Variants in ROBO1 observed in about 807,000 individuals in gnomAD.
ROBO1 encodes the protein roundabout guidance receptor 1.
A neutral mutation model predicts 195.9 loss-of-function variants in ROBO1; 149 were observed. That is an observed-to-expected ratio of 0.76 (90% CI 0.67 to 0.87). ROBO1 has a LOEUF of 0.87. Ranked by LOEUF, ROBO1 falls within the 40% of genes least tolerant of loss-of-function variation. The probability of loss-of-function intolerance (pLI) is 0.00; values close to 1 mark genes in which losing one functional copy is unlikely to be tolerated. For missense variants in ROBO1, 1,933 were observed against 2,068.3 expected, an observed-to-expected ratio of 0.93 and a Z score of 1.27; for synonymous variants, 816 against 733.2, an observed-to-expected ratio of 1.11 and a Z score of -1.82.
intron 2 of ROBO1, among the ~76,000 whole-genome samples, chr3:79,579,184 C>T (rs1394526596): frequency 6.6e-6 from 1 of 152,086 alleles, no homozygotes; most frequent in Admixed American, 6.5e-5. Flanking sequence ...CAGTTATGTG[C>T]ATTATTAGGA....
intron 17 of ROBO1, among the ~76,000 whole-genome samples, chr3:78,657,928 T>A (rs1707139001): frequency 6.6e-6 from 1 of 152,226 alleles, no homozygotes; most frequent in Admixed American, 6.5e-5. Flanking sequence ...CAACCTCTGG[T>A]ACACTGAACT....
At chr3:79,609,987 G>T (rs1944605884) in intron 1 of ROBO1, among the ~76,000 whole-genome samples, 1 of 151,314 alleles carries the variant, frequency 6.6e-6, no homozygotes, top group Non-Finnish European at 1.5e-5. Context: ...AGGTAAAGAT[G>T]GTTAAAATTG....
At chr3:79,498,979 T>C (rs959413080) in intron 2 of ROBO1, among the ~76,000 whole-genome samples, 1 of 152,234 alleles carries the variant, frequency 6.6e-6, no homozygotes, top group African/African-American at 2.4e-5. Context: ...AACCATTCTT[T>C]AATTTTTTAA....
At chr3:78,798,667 T>A (rs530478497) in intron 4 of ROBO1, among the ~76,000 whole-genome samples, 1 of 152,222 alleles carries the variant, frequency 6.6e-6, no homozygotes, top group Non-Finnish European at 1.5e-5. Context: ...TTTCATCATA[T>A]ATTTTTAGAT....
chr3:79,671,018 TA>T (rs1218960916), intron 1 of ROBO1, among the ~76,000 whole-genome samples: 1 of 151,790 alleles, frequency 6.6e-6, no homozygotes, highest in Non-Finnish European at 1.5e-5. Flanking sequence ...ATATCATGGG[TA>T]AATACATTGT....
intron 1 of ROBO1, among the ~76,000 whole-genome samples, chr3:79,689,654 G>A (rs969887834): frequency 1.3e-5 from 2 of 151,902 alleles, no homozygotes; most frequent in African/African-American, 4.8e-5. Flanking sequence ...TAGTTAAATA[G>A]TTATTCCTGG....
At position 79,055,762 on chromosome 3, in the gene ROBO1, G is replaced by T. The variant is rs1045606889; in HGVS notation, c.172+69694C>A. ...ACCCCTCCAAATTACTGTAAAAGAA[G>T]ACAGGGCTGGTTTAGGTTACCCTTT... On this transcript the variant is annotated intron_variant, in intron 3 of 30. Coordinates refer to ENST00000464233, the MANE Select transcript of ROBO1 (RefSeq NM_002941.4). Among the ~76,000 whole-genome samples, 14 of 152,116 alleles carry T rather than the reference G, an allele frequency of 9.2e-5. 1 individual carries two copies. In the East Asian group the frequency reaches 2.7e-3, roughly 29 times the overall value.
chr3:79,243,421 A>G (rs1364345289), intron 2 of ROBO1, among the ~76,000 whole-genome samples: 2 of 152,120 alleles, frequency 1.3e-5, no homozygotes, highest in Admixed American at 6.5e-5. Flanking sequence ...TGTCTTCCAC[A>G]ATGGTTGAAC....
chr3:78,704,110 T>G (rs1266205656), intron 8 of ROBO1, among the ~76,000 whole-genome samples: 1 of 152,108 alleles, frequency 6.6e-6, no homozygotes, highest in African/African-American at 2.4e-5. Context: ...CTAAGCTGAC[T>G]CTGCAAAAAG....
chr3:79,171,750 A>C (rs967329963), intron 2 of ROBO1, among the ~76,000 whole-genome samples: 9 of 152,142 alleles, frequency 5.9e-5, no homozygotes, highest in Non-Finnish European at 5.9e-5. Context: ...AAATACCTTC[A>C]TAGGGTGGTT....
Position 78,672,717 on chromosome 3 carries a change from C to G in ROBO1, c.1343-2416G>C, listed in dbSNP as rs183919978. Reference sequence around the variant, plus strand: ...GAATAAAATACTCGTAAAATGTTTACACTTACAGACACCAAAGAATGTACT... The same window carrying G: ...GAATAAAATACTCGTAAAATGTTTAGACTTACAGACACCAAAGAATGTACT... On this transcript the variant is annotated intron_variant, in intron 10 of 30. Transcript: ENST00000464233. Among the ~76,000 whole-genome samples the G allele has an allele frequency of 7.9e-5, 12 of 151,712 alleles. No homozygotes were observed. In the East Asian group the frequency reaches 2.3e-3, roughly 29 times the overall value.
chr3:79,225,264 G>T (rs930072350), intron 2 of ROBO1, among the ~76,000 whole-genome samples: 1 of 152,098 alleles, frequency 6.6e-6, no homozygotes, highest in Admixed American at 6.6e-5. Context: ...GCATAAGATA[G>T]GTAATCAAGC....
chr3:79,350,822 A>T (rs985358791), intron 2 of ROBO1, among the ~76,000 whole-genome samples: 1 of 152,046 alleles, frequency 6.6e-6, no homozygotes, highest in Non-Finnish European at 1.5e-5. Flanking sequence ...AATTACAAGA[A>T]TTCTTTTTTT....
In ROBO1 at chr3:78,891,290, G is replaced by A. The variant is rs329818; in HGVS notation, c.499+47311C>T. Among the ~76,000 whole-genome samples, 67,841 of 151,892 alleles carry A rather than the reference G, an allele frequency of 0.45. 17,129 individuals carry two copies. Among genetic ancestry groups the A allele is most frequent in the African/African-American group, 0.7 (29,076 of 41,458 alleles). On this transcript the variant is annotated intron_variant, in intron 4 of 30. Transcript: ENST00000464233. ...AAGAAATGGAGAGGCTACAACCTTC[G>A]GAGAAGGAAAATCTTGGACAGACAT...
intron 2 of ROBO1, among the ~76,000 whole-genome samples, chr3:79,451,906 G>C (rs546163094): frequency 3.2e-4 from 49 of 151,566 alleles, no homozygotes; most frequent in African/African-American, 1.2e-3. Context: ...CTGCTGTTAG[G>C]TCCGTCCAGA....
At chr3:78,634,069 A>T in intron 23 of ROBO1, 27 bp from the exon 24 acceptor site, 1 of 1,460,064 alleles carries the variant, frequency 6.8e-7, no homozygotes, top group African/African-American at 1.4e-5. Flanking sequence ...AAAAAACAAT[A>T]AACATTTATT....
At chr3:79,753,292 A>T (rs913687883) in intron 1 of ROBO1, among the ~76,000 whole-genome samples, 2 of 94,938 alleles carry the variant, frequency 2.1e-5, no homozygotes, top group Non-Finnish European at 4.4e-5. Flanking sequence ...CTGGGATTTA[A>T]AAAAAAAAAA....
chr3:79,497,488 A>T (rs1939812888), intron 2 of ROBO1, among the ~76,000 whole-genome samples: 1 of 152,190 alleles, frequency 6.6e-6, no homozygotes, highest in Admixed American at 6.5e-5. Flanking sequence ...GATTAATTGA[A>T]ATCAGAGCAA....
intron 2 of ROBO1, among the ~76,000 whole-genome samples, chr3:79,478,585 AATT>A (rs1486633427): frequency 6.6e-6 from 1 of 151,920 alleles, no homozygotes; most frequent in African/African-American, 2.4e-5. Context: ...TGCTTGGGGG[AATT>A]ATTTAAATTT....
Sources: gnomAD v4.1 joint callset for allele counts (sites outside exome capture counted in the v4.1 genomes callset) on GRCh38, gnomAD v4.1.1 for gene constraint, MANE v1.5 for transcripts, NCBI Gene and HGNC (gene_info 2026-07-23, HGNC 2026-07-21) for gene names.